Variants in TAFA2 observed in about 807,000 individuals in gnomAD.
TAFA2 encodes chemokine-like protein TAFA-2.
TAFA2 carries 7 observed loss-of-function variants against 18.8 expected under a neutral mutation model. The observed-to-expected ratio is 0.37, with a 90% confidence interval of 0.21 to 0.70. The LOEUF (loss-of-function observed/expected upper bound fraction) is 0.70, where lower values mean the gene tolerates loss of function less well. Among genes scored for constraint, TAFA2 ranks in the 30% least tolerant of loss-of-function variants. TAFA2 has a pLI of 0.53. For missense variants in TAFA2, 122 were observed against 158.1 expected (o/e 0.77, Z 1.23); for synonymous variants, 60 against 54.2 (o/e 1.11, Z -0.47).
chr12:62,214,676 T>C (rs1261513984), intron 1 of TAFA2, among the ~76,000 whole-genome samples: 1 of 152,120 alleles, frequency 6.6e-6, no homozygotes, highest in African/African-American at 2.4e-5. Context: ...CTTGTGCCCG[T>C]GGACACAGAC....
chr12:62,253,249 T>C (rs1284479036), intron 1 of TAFA2: 1 of 152,214 alleles, frequency 6.6e-6, no homozygotes, highest in African/African-American at 2.4e-5. Flanking sequence ...TTGTGATATA[T>C]CCTTTATGGT....
At chr12:62,178,323 G>T (rs2062528373) in intron 1 of TAFA2, among the ~76,000 whole-genome samples, 1 of 152,074 alleles carries the variant, frequency 6.6e-6, no homozygotes, top group Non-Finnish European at 1.5e-5. Context: ...AAAAGAAAGA[G>T]ACCTCAGTGG....
intron 1 of TAFA2, among the ~76,000 whole-genome samples, chr12:61,931,480 T>A (rs1015371287): frequency 1.3e-5 from 2 of 152,240 alleles, no homozygotes; most frequent in African/African-American, 4.8e-5. Context: ...CTTTCTGTAA[T>A]AAGCATATTC....
chr12:61,728,796 AC>A, intron 4 of TAFA2, among the ~76,000 whole-genome samples: 1 of 136,984 alleles, frequency 7.3e-6, no homozygotes, highest in Non-Finnish European at 1.7e-5. Flanking sequence ...GTGTCCCAAT[AC>A]CTTGATTTTT....
At chr12:61,749,766 C>T (rs1005376336) in intron 4 of TAFA2, among the ~76,000 whole-genome samples, 12 of 151,960 alleles carry the variant, frequency 7.9e-5, no homozygotes, top group African/African-American at 2.9e-4. Context: ...ACATATGATT[C>T]ATAAAGGTAA....
At chr12:61,763,442 G>T (rs749001999) in intron 2 of TAFA2, among the ~76,000 whole-genome samples, 3 of 151,956 alleles carry the variant, frequency 2.0e-5, no homozygotes, top group Non-Finnish European at 4.4e-5. Flanking sequence ...ATAATGCTTA[G>T]ATTCTTTGCC....
chr12:62,067,066 G>A (rs1882508574), intron 1 of TAFA2, among the ~76,000 whole-genome samples: 1 of 152,094 alleles, frequency 6.6e-6, no homozygotes, highest in South Asian at 2.1e-4. Context: ...GAAGATCAGT[G>A]ATGTTGAGCA....
chr12:61,837,520 C>T (rs1482955306), intron 2 of TAFA2, among the ~76,000 whole-genome samples: 3 of 151,852 alleles, frequency 2.0e-5, no homozygotes, highest in African/African-American at 7.2e-5. Context: ...ATTAATATTC[C>T]CTTAAATTAA....
rs1466594284 is a variant in TAFA2, at chr12:61,946,464, A to C, written c.-1-79038T>G. Among the ~76,000 whole-genome samples, 334 of 85,562 alleles carry C rather than the reference A, an allele frequency of 3.9e-3. 1 individual carries two copies. The highest frequency in any genetic ancestry group is 0.011 in the African/African-American group (231 of 21,234). The allele number at this position is 85,562 out of a possible 152,430, so 56.1% of individuals were successfully genotyped here. On this transcript the variant is annotated intron_variant, in intron 1 of 4. Transcript: ENST00000416284. ...AAGCCAAAATTGACAAATGGGATCT[A>C]ATTAAACTAAAGAGCTTCTGCACAG...
At chr12:62,013,686 TTC>T (rs1433296499) in intron 1 of TAFA2, among the ~76,000 whole-genome samples, 1 of 152,188 alleles carries the variant, frequency 6.6e-6, no homozygotes, top group Non-Finnish European at 1.5e-5. Flanking sequence ...AATATGAAAT[TTC>T]TTTTTGCTCT....
At chr12:61,839,009 G>C (rs1013783398) in intron 2 of TAFA2, among the ~76,000 whole-genome samples, 7 of 152,036 alleles carry the variant, frequency 4.6e-5, no homozygotes, top group African/African-American at 1.7e-4. Flanking sequence ...AAGAAATAAT[G>C]CAGGACTATT....
intron 1 of TAFA2, among the ~76,000 whole-genome samples, chr12:62,011,367 A>C (rs1024146640): frequency 6.6e-6 from 1 of 152,192 alleles, no homozygotes; most frequent in Non-Finnish European, 1.5e-5. Flanking sequence ...GTGTAGAAAG[A>C]AGTAGACATA....
chr12:62,170,136 T>C (rs1027441298), intron 1 of TAFA2, among the ~76,000 whole-genome samples: 10 of 152,170 alleles, frequency 6.6e-5, no homozygotes, highest in African/African-American at 2.4e-4. Flanking sequence ...AAAACTGCAG[T>C]CACAAGGACC....
intron 1 of TAFA2, among the ~76,000 whole-genome samples, chr12:62,006,107 G>A (rs1400898508): frequency 6.6e-5 from 10 of 151,884 alleles, no homozygotes; most frequent in African/African-American, 9.7e-5. Flanking sequence ...TAGATGATTT[G>A]AACAGTATAA....
chr12:61,874,373 G>A (rs1243059158), intron 1 of TAFA2, among the ~76,000 whole-genome samples: 1 of 152,050 alleles, frequency 6.6e-6, no homozygotes. Flanking sequence ...AATGAATCCA[G>A]CTCTTAATTC....
intron 1 of TAFA2, among the ~76,000 whole-genome samples, chr12:62,108,918 A>G (rs1393734392): frequency 6.6e-6 from 1 of 152,126 alleles, no homozygotes. Context: ...TTTTTCTCCC[A>G]TTCTGTAGCT....
At chr12:61,929,299 A>G (rs1470747602) in intron 1 of TAFA2, among the ~76,000 whole-genome samples, 1 of 152,170 alleles carries the variant, frequency 6.6e-6, no homozygotes, top group Non-Finnish European at 1.5e-5. Context: ...TTAAAAACAC[A>G]ATACCCAAGA....
chr12:61,802,320 C>A (rs547189636), intron 2 of TAFA2, among the ~76,000 whole-genome samples: 2 of 152,132 alleles, frequency 1.3e-5, no homozygotes, highest in African/African-American at 4.8e-5. Context: ...ATGTTTATTG[C>A]AGCACTATGC....
chr12:61,737,032 TC>T (rs1324344692), intron 4 of TAFA2, among the ~76,000 whole-genome samples: 1 of 151,918 alleles, frequency 6.6e-6, no homozygotes, highest in East Asian at 1.9e-4. Flanking sequence ...TATAATATTG[TC>T]AGTTAGTATT....
Sources: gnomAD v4.1 joint callset for allele counts (sites outside exome capture counted in the v4.1 genomes callset) on GRCh38, gnomAD v4.1.1 for gene constraint, MANE v1.5 for transcripts, NCBI Gene and HGNC (gene_info 2026-07-23, HGNC 2026-07-21) for gene names.